The following GSG1L variants were observed in gnomAD, a reference collection of about 807,000 sequenced individuals.
GSG1L encodes the protein germ cell-specific gene 1-like protein.
Under a neutral mutation model 42.1 loss-of-function variants are expected in GSG1L, and 24 were observed. The ratio of observed to expected loss-of-function variants is 0.57; its 90% confidence interval spans 0.41 to 0.80. The LOEUF (loss-of-function observed/expected upper bound fraction) is 0.80, where lower values mean the gene tolerates loss of function less well. GSG1L is among the 30% of genes least tolerant of loss of function. The pLI is 0.00. For synonymous variants in GSG1L, 215 were observed against 203.5 expected, an observed-to-expected ratio of 1.06 and a Z score of -0.48; for missense variants, 445 against 472.2, an observed-to-expected ratio of 0.94 and a Z score of 0.53.
intron 5 of GSG1L, among the ~76,000 whole-genome samples, chr16:27,827,877 T>C (rs1263393307): frequency 7.1e-6 from 1 of 141,750 alleles, no homozygotes; most frequent in Non-Finnish European, 1.6e-5. Context: ...CATCCATCCA[T>C]CCATCCATCC....
At chr16:27,821,243 C>A (rs1344763427) in intron 5 of GSG1L, among the ~76,000 whole-genome samples, 3 of 152,078 alleles carry the variant, frequency 2.0e-5, no homozygotes, top group Non-Finnish European at 2.9e-5. Context: ...GTGGCCAGAT[C>A]TCTGCTTTGT....
intron 2 of GSG1L, among the ~76,000 whole-genome samples, chr16:27,956,259 C>T (rs1481595061): frequency 6.6e-6 from 1 of 152,108 alleles, no homozygotes; most frequent in Non-Finnish European, 1.5e-5. Flanking sequence ...CAATAATAGA[C>T]CATTTAGCAG....
chr16:27,861,138 C>G (rs967058957), intron 3 of GSG1L, among the ~76,000 whole-genome samples: 3 of 152,116 alleles, frequency 2.0e-5, no homozygotes, highest in African/African-American at 7.2e-5. Context: ...GAGGCCAAGG[C>G]GGGCAGATCA....
At chr16:27,865,864 AT>A (rs1313110442) in intron 3 of GSG1L, among the ~76,000 whole-genome samples, 1 of 151,450 alleles carries the variant, frequency 6.6e-6, no homozygotes, top group Non-Finnish European at 1.5e-5. Flanking sequence ...TGCCCGGCTA[AT>A]TTTTTATTTT....
chr16:27,975,663 C>T (rs2085242967), intron 1 of GSG1L, among the ~76,000 whole-genome samples: 1 of 152,196 alleles, frequency 6.6e-6, no homozygotes, highest in Non-Finnish European at 1.5e-5. Flanking sequence ...TTCTATCTCT[C>T]TATCTTAGGC....
intron 2 of GSG1L, among the ~76,000 whole-genome samples, chr16:27,938,546 A>G (rs1333347875): frequency 6.6e-6 from 1 of 152,102 alleles, no homozygotes; most frequent in East Asian, 1.9e-4. Flanking sequence ...GGAGAAGGAG[A>G]TTTCCAAAAG....
At chr16:27,836,470 T>C (rs2083321731) in intron 4 of GSG1L, among the ~76,000 whole-genome samples, 3 of 152,174 alleles carry the variant, frequency 2.0e-5, no homozygotes, top group African/African-American at 7.2e-5. Flanking sequence ...CTCTTCCTCC[T>C]TTTCTTCTGG....
At chr16:28,005,310 C>T (rs1283193259) in intron 1 of GSG1L, among the ~76,000 whole-genome samples, 1 of 152,184 alleles carries the variant, frequency 6.6e-6, no homozygotes, top group Non-Finnish European at 1.5e-5. Flanking sequence ...ACAGGGGTTT[C>T]ACCATGTTGG....
intron 1 of GSG1L, among the ~76,000 whole-genome samples, chr16:27,979,688 A>AGAGAG (rs1567542842): frequency 7.2e-5 from 2 of 27,772 alleles, no homozygotes; most frequent in African/African-American, 1.3e-4. Flanking sequence ...AGAAAGAAAG[A>AGAGAG]AGGAAGGAAG....
chr16:27,790,127 TG>T lies in GSG1L; in HGVS notation c.*1242del, dbSNP rs978487402. 38 of 149,394 alleles carry T rather than the reference TG, an allele frequency of 2.5e-4. No individual in the cohort carries two copies. The highest frequency in any genetic ancestry group is 9.2e-4 in the African/African-American group (37 of 40,370). 9.3% of individuals were successfully genotyped at this position (149,394 alleles called of 1,614,324 possible). A position where few individuals can be genotyped will look rare whatever the true frequency, so the allele number is the denominator to read the frequency against. On this transcript the variant is annotated 3_prime_UTR_variant, in exon 7 of 7. Transcript: ENST00000447459. Reference sequence around the variant, plus strand: ...AATGAATGAATGATGGATGGATGAGTGGAAAGATGAATTATGAATGATGGAT... The same window carrying T: ...AATGAATGAATGATGGATGGATGAGTGAAAGATGAATTATGAATGATGGAT...
intron 6 of GSG1L, among the ~76,000 whole-genome samples, chr16:27,797,523 CAAA>C (rs766041354): frequency 4.1e-5 from 3 of 72,400 alleles, no homozygotes; most frequent in Non-Finnish European, 5.2e-5. Flanking sequence ...AACTCCATCT[CAAA>C]AAAAAAAAAA....
At chr16:27,951,774 C>A (rs1403479855) in intron 2 of GSG1L, among the ~76,000 whole-genome samples, 1 of 152,068 alleles carries the variant, frequency 6.6e-6, no homozygotes, top group Non-Finnish European at 1.5e-5. Flanking sequence ...TGACATAAAT[C>A]AATAAAAAGC....
At chr16:27,847,356 G>A (rs1329173704) in intron 3 of GSG1L, among the ~76,000 whole-genome samples, 3 of 152,176 alleles carry the variant, frequency 2.0e-5, no homozygotes, top group Non-Finnish European at 4.4e-5. Flanking sequence ...TGGCCAGGGA[G>A]CCAGAGCTGG....
At chr16:27,958,411 T>TAAAAAAA (rs767157230) in intron 2 of GSG1L, among the ~76,000 whole-genome samples, 5 of 117,570 alleles carry the variant, frequency 4.3e-5, no homozygotes, top group South Asian at 3.1e-4. Flanking sequence ...AGACTCCATC[T>TAAAAAAA]AAAAAAAAAA....
chr16:27,838,526 T>G (rs2083344548), intron 4 of GSG1L, among the ~76,000 whole-genome samples: 1 of 151,066 alleles, frequency 6.6e-6, no homozygotes, highest in Non-Finnish European at 1.5e-5. Flanking sequence ...AAGGGGAGGG[T>G]GGTGACAGGG....
chr16:27,804,037 G>GGATAGATACAGATA (rs1555500773), intron 6 of GSG1L, among the ~76,000 whole-genome samples: 90 of 132,782 alleles, frequency 6.8e-4, no homozygotes, highest in African/African-American at 2.4e-3. Flanking sequence ...TAGATTAGAT[G>GGATAGATACAGATA]GATAGATAGA....
chr16:27,791,340 T>G lies in GSG1L; in HGVS notation c.*30A>C. On this transcript the variant is annotated 3_prime_UTR_variant, in exon 7 of 7. Transcript: ENST00000447459. ...GCAGGGGCTGGTGCCAGCGATGGCCTGAGGTCCGCGGGCCAGGTTGAGGTC... is the reference window on the plus strand; with the variant it reads ...GCAGGGGCTGGTGCCAGCGATGGCCGGAGGTCCGCGGGCCAGGTTGAGGTC... 3 of 1,322,780 alleles carry G rather than the reference T, an allele frequency of 2.3e-6. No individual in the cohort carries two copies. Among genetic ancestry groups the G allele is most frequent in the Non-Finnish European group, 3.0e-6 (3 of 1,009,492 alleles). The allele number at this position is 1,322,780 out of a possible 1,614,324, so 81.9% of individuals were successfully genotyped here. A position where few individuals can be genotyped will look rare whatever the true frequency, so the allele number is the denominator to read the frequency against.
chr16:27,828,623 T>C (rs1402077250), intron 5 of GSG1L, among the ~76,000 whole-genome samples, 166 bp downstream of exon 5: 1 of 152,196 alleles, frequency 6.6e-6, no homozygotes, highest in East Asian at 1.9e-4. Context: ...TCCCAGAAAT[T>C]CTGACATAGT....
At chr16:27,975,336 G>A (rs1187651351) in intron 1 of GSG1L, among the ~76,000 whole-genome samples, 1 of 152,098 alleles carries the variant, frequency 6.6e-6, no homozygotes. Context: ...GAAGGGCAGG[G>A]AATGGACATG....
Sources: allele counts gnomAD v4.1 joint callset (sites outside exome capture counted in the v4.1 genomes callset), GRCh38; gene constraint gnomAD v4.1.1; transcripts MANE v1.5; gene names NCBI Gene and HGNC (gene_info 2026-07-23, HGNC 2026-07-21).